GNL3L: variants seen among roughly 807,000 people sequenced by gnomAD.
The protein encoded by GNL3L is G protein nucleolar 3 like.
A neutral mutation model predicts 42.9 loss-of-function variants in GNL3L; 4 were observed. The observed-to-expected ratio is 0.09, with a 90% confidence interval of 0.05 to 0.21. GNL3L has a LOEUF of 0.21. GNL3L is among the 10% of genes least tolerant of loss of function. GNL3L has a pLI of 1.00. For missense variants in GNL3L, 412 were observed against 481.7 expected (o/e 0.86, Z 1.36); for synonymous variants, 159 against 176.3 (o/e 0.90, Z 0.78).
chrX:54,631,054 G>A, the GNL3L span, among the ~76,000 whole-genome samples: 3 of 109,833 alleles, frequency 2.7e-5, no homozygotes, highest in African/African-American at 1.0e-4. Context: ...CGATCCACCC[G>A]CCTCAGCCTT....
chrX:54,592,030 C>T (rs1301133485), intron 16 of GNL3L, among the ~76,000 whole-genome samples: 2 of 111,613 alleles, frequency 1.8e-5, no homozygotes, highest in Non-Finnish European at 3.8e-5. Flanking sequence ...ATATCTTTCA[C>T]TTCTTTGGTT....
chrX:54,537,230 C>T (rs1924464289), intron 2 of GNL3L, among the ~76,000 whole-genome samples: 1 of 109,438 alleles, frequency 9.1e-6, no homozygotes, highest in African/African-American at 3.3e-5. Flanking sequence ...CACTATGTTG[C>T]CTGGATTAGT....
At chrX:54,615,400 G>A (rs372171430) in intron 16 of GNL3L, among the ~76,000 whole-genome samples, 52 of 111,837 alleles carry the variant, frequency 4.6e-4, no homozygotes, top group Admixed American at 7.6e-4. Context: ...ATGTATTTGC[G>A]TACTAGTTTT....
rs1271610036 is a variant in GNL3L at position 54,607,004 on chromosome X, C to CTTTCTCTTTCTTTCT, written c.*46-13836_*46-13835insCTTTCTTTCTTTTCT. The stretch of plus-strand genomic sequence containing the variant: ...TTCTTTCCTTTCCTTTCCTTTCTTT[C>CTTTCTCTTTCTTTCT]TTTCTTTCTTTCTTTCTTTCTTTCT... On this transcript the variant is annotated intron_variant, in intron 16 of 16. Coordinates refer to the GNL3L transcript ENST00000674498. 5.9e-4 allele frequency among the ~76,000 whole-genome samples: 10 copies of CTTTCTCTTTCTTTCT among 16,894 alleles called. 1 individual carries two copies. Among genetic ancestry groups the CTTTCTCTTTCTTTCT allele is most frequent in the African/African-American group, 5.1e-3 (10 of 1,943 alleles). The allele number at this position is 16,894 out of a possible 115,157, so 14.7% of individuals were successfully genotyped here.
intron 2 of GNL3L, among the ~76,000 whole-genome samples, chrX:54,535,788 A>G (rs752173541): frequency 2.0e-3 from 218 of 111,304 alleles, no homozygotes; most frequent in African/African-American, 6.7e-3. Flanking sequence ...TTTTTGAGAC[A>G]GGGTCTCACT....
Position 54,530,225 on chromosome X carries a change from A to AGCCTAGCTGCGCGAGAGTTTCT in GNL3L, c.-239_-218dup, listed in dbSNP as rs1404450412. The AGCCTAGCTGCGCGAGAGTTTCT allele has an allele frequency of 1.0e-4, 9 of 88,333 alleles. No individual in the cohort carries two copies. Among genetic ancestry groups the AGCCTAGCTGCGCGAGAGTTTCT allele is most frequent in the African/African-American group, 3.9e-4 (9 of 23,019 alleles). The allele number at this position is 88,333 out of a possible 1,213,427, so 7.3% of individuals were successfully genotyped here. A position where few individuals can be genotyped will look rare whatever the true frequency, so the allele number is the denominator to read the frequency against. On this transcript the variant is annotated 5_prime_UTR_variant, in exon 1 of 16. Coordinates refer to ENST00000360845, the MANE Select transcript of GNL3L (RefSeq NM_001184819.2). ...CGCCGGCCTGGGATCCGGAAGTCGG[A>AGCCTAGCTGCGCGAGAGTTTCT]GCCTAGCTGCGCGAGAGTTTCTGCT...
the GNL3L span, among the ~76,000 whole-genome samples, chrX:54,628,985 T>A: frequency 9.5e-6 from 1 of 105,490 alleles, no homozygotes; most frequent in Non-Finnish European, 1.9e-5. Flanking sequence ...TAAAATATAA[T>A]TTATATATAA....
rs184737796 is a variant in GNL3L at position 54,544,347 on chromosome X, A to G, written c.630+21A>G. 4.1e-3 allele frequency: 3,562 copies of G among 869,658 alleles called. 4 individuals carry two copies. The highest frequency in any genetic ancestry group is 5.1e-3 in the Non-Finnish European group (2,991 of 591,337). 71.7% of individuals were successfully genotyped at this position (869,658 alleles called of 1,213,427 possible). ...ACCTGGTAAGCCTGGGGCTAGGGTC[A>G]TCTAGCCGCTTTCAGGGTAGTTTGG... is the stretch of plus-strand genomic sequence containing the variant. On this transcript the variant is annotated intron_variant, in intron 8 of 15. Coordinates refer to ENST00000360845, the MANE Select transcript of GNL3L (RefSeq NM_001184819.2).
chrX:54,614,622 G>A (rs12839695), intron 16 of GNL3L, among the ~76,000 whole-genome samples: 33 of 111,013 alleles, frequency 3.0e-4, no homozygotes, highest in Non-Finnish European at 5.8e-4. Context: ...CCTATATTTC[G>A]CTCGGCTCTC....
chrX:54,633,245 G>C, the GNL3L span, among the ~76,000 whole-genome samples: 1 of 111,729 alleles, frequency 9.0e-6, no homozygotes, highest in East Asian at 2.8e-4. Flanking sequence ...GCAGATTCTG[G>C]CCCTCTGGTT....
intron 16 of GNL3L, among the ~76,000 whole-genome samples, chrX:54,604,288 C>T (rs993605772): frequency 8.0e-5 from 9 of 112,043 alleles, no homozygotes; most frequent in Non-Finnish European, 1.5e-4. Context: ...AATCATTATA[C>T]TGTAGTACGA....
At chrX:54,555,457 A>C (rs1178489389) in intron 14 of GNL3L, among the ~76,000 whole-genome samples, 15 of 107,912 alleles carry the variant, frequency 1.4e-4, no homozygotes, top group Non-Finnish European at 2.9e-4. Flanking sequence ...CATATGTCCC[A>C]AGGTTTCTTT....
rs189261893 is a variant in GNL3L, at chrX:54,558,829, G to T, written c.1666+174G>T. Reference sequence around the variant, plus strand: ...CTGCCACCATGTCCGGCTCATTTTTGTATTTTTAGTAGAGACGATGTTTCG... The same window carrying T: ...CTGCCACCATGTCCGGCTCATTTTTTTATTTTTAGTAGAGACGATGTTTCG... On this transcript the variant is annotated intron_variant, in intron 15 of 15. Coordinates refer to ENST00000360845, the MANE Select transcript of GNL3L (RefSeq NM_001184819.2). Among the ~76,000 whole-genome samples, 401 of 111,691 alleles carry T rather than the reference G, an allele frequency of 3.6e-3. 2 individuals carry two copies. Among genetic ancestry groups the T allele is most frequent in the African/African-American group, 0.012 (374 of 30,752 alleles).
intron 10 of GNL3L, 65 bp downstream of exon 10, chrX:54,551,115 T>G: frequency 6.4e-6 from 4 of 623,248 alleles, no homozygotes; most frequent in Non-Finnish European, 1.1e-5. Flanking sequence ...CCAACTCCCA[T>G]GCCTTCAGCC....
chrX:54,620,496 C>T (rs762197245), intron 16 of GNL3L, among the ~76,000 whole-genome samples: 15 of 112,029 alleles, frequency 1.3e-4, no homozygotes, highest in South Asian at 3.7e-4. Flanking sequence ...AATAGTACTC[C>T]GTTGTGTATA....
chrX:54,550,566 G>A (rs1037797466), intron 9 of GNL3L, among the ~76,000 whole-genome samples: 1 of 111,153 alleles, frequency 9.0e-6, no homozygotes, highest in Non-Finnish European at 1.9e-5. Flanking sequence ...AGAGAGACTG[G>A]CATCTGGAGA....
exon 17 of GNL3L, among the ~76,000 whole-genome samples, chrX:54,621,050 G>A (rs1294683495): frequency 8.9e-6 from 1 of 112,015 alleles, no homozygotes; most frequent in Admixed American, 9.5e-5. Context: ...TTTCATAAAT[G>A]GCTGCAGCAA....
chrX:54,556,906 C>T (rs923788167), intron 14 of GNL3L, among the ~76,000 whole-genome samples: 3 of 110,825 alleles, frequency 2.7e-5, no homozygotes, highest in African/African-American at 6.6e-5. Flanking sequence ...CGAGGCCGGG[C>T]GCGGTGGCTC....
At chrX:54,593,420 A>G (rs1020567280) in intron 16 of GNL3L, among the ~76,000 whole-genome samples, 1 of 111,614 alleles carries the variant, frequency 9.0e-6, no homozygotes, top group Non-Finnish European at 1.9e-5. Context: ...ATAGTTGTAC[A>G]CAGTGGTCAC....
Sources: gnomAD v4.1 joint callset for allele counts (sites outside exome capture counted in the v4.1 genomes callset) on GRCh38, gnomAD v4.1.1 for gene constraint, MANE v1.5 for transcripts, NCBI Gene and HGNC (gene_info 2026-07-23, HGNC 2026-07-21) for gene names.